Variants in STAU2 observed in about 807,000 individuals in gnomAD.
STAU2 encodes double-stranded RNA-binding protein Staufen homolog 2.
Under a neutral mutation model 65.9 loss-of-function variants are expected in STAU2, and 20 were observed. The ratio of observed to expected loss-of-function variants is 0.30; its 90% confidence interval spans 0.21 to 0.44. The LOEUF is 0.44. STAU2 is among the 20% of genes least tolerant of loss of function. The probability of loss-of-function intolerance (pLI) is 1.00; values close to 1 mark genes in which losing one functional copy is unlikely to be tolerated. For missense variants in STAU2, 558 were observed against 683.9 expected (o/e 0.82, Z 2.05); for synonymous variants, 232 against 233.9 (o/e 0.99, Z 0.07).
chr8:73,437,686 G>A (rs1817812721), intron 13 of STAU2, among the ~76,000 whole-genome samples: 1 of 152,168 alleles, frequency 6.6e-6, no homozygotes, highest in Non-Finnish European at 1.5e-5. Flanking sequence ...GTGTAAGGTT[G>A]GTGATGGGCC....
At chr8:73,699,110 A>G (rs751179306) in intron 4 of STAU2, among the ~76,000 whole-genome samples, 1 of 152,144 alleles carries the variant, frequency 6.6e-6, no homozygotes, top group Non-Finnish European at 1.5e-5. Flanking sequence ...GAAGAAATTA[A>G]GAAGGGAATT....
chr8:73,618,695 A>G (rs1405440829), intron 6 of STAU2, among the ~76,000 whole-genome samples: 2 of 152,238 alleles, frequency 1.3e-5, no homozygotes, highest in Non-Finnish European at 2.9e-5. Context: ...GTAGGGGAAC[A>G]ATGCTGGAAG....
chr8:73,532,851 T>C (rs953414260), intron 13 of STAU2, among the ~76,000 whole-genome samples: 1 of 152,102 alleles, frequency 6.6e-6, no homozygotes, highest in Non-Finnish European at 1.5e-5. Flanking sequence ...AATCAGAAAA[T>C]CTTTGAATCC....
intron 13 of STAU2, among the ~76,000 whole-genome samples, chr8:73,547,517 C>T (rs1201550153): frequency 1.3e-5 from 2 of 152,142 alleles, no homozygotes; most frequent in African/African-American, 4.8e-5. Flanking sequence ...TGAACTGGGG[C>T]TGCCCACTGG....
chr8:73,439,501 C>T (rs767464813), intron 13 of STAU2, among the ~76,000 whole-genome samples: 59 of 152,136 alleles, frequency 3.9e-4, no homozygotes, highest in Admixed American at 8.5e-4. Flanking sequence ...GCCTGTAATC[C>T]CAGCTACTCA....
chr8:73,608,331 AG>A (rs1297418604), intron 9 of STAU2, among the ~76,000 whole-genome samples: 3 of 152,132 alleles, frequency 2.0e-5, no homozygotes, highest in Admixed American at 2.0e-4. Flanking sequence ...GACAAGGCCA[AG>A]CACAGTGGCT....
intron 7 of STAU2, 114 bp from the exon 8 acceptor site, chr8:73,615,896 G>A: frequency 2.7e-6 from 2 of 729,448 alleles, no homozygotes; most frequent in East Asian, 5.4e-5. Flanking sequence ...AAACTATATA[G>A]ACTGTATCTG....
intron 13 of STAU2, among the ~76,000 whole-genome samples, chr8:73,443,615 G>A (rs569155665): frequency 6.6e-6 from 1 of 152,298 alleles, no homozygotes; most frequent in African/African-American, 2.4e-5. Context: ...GTTTTGGGAG[G>A]CCAAGACAGG....
rs1816831065 is a variant in STAU2 at position 73,426,435 on chromosome 8, C to A, written c.1531-3733G>T. On this transcript the variant is annotated intron_variant, in intron 13 of 14. Transcript: ENST00000524300. ...CTCATATCTAGCTATAATTTTGTAT[C>A]CTTTAATAAATTTCTCCCTATCCCT... Among the ~76,000 whole-genome samples the A allele has an allele frequency of 2.0e-5, 3 of 152,090 alleles. No individual in the cohort carries two copies. The South Asian group carries it at 6.2e-4, about 32-fold the overall frequency.
chr8:73,679,661 C>T (rs1232250641), intron 5 of STAU2, among the ~76,000 whole-genome samples: 5 of 137,278 alleles, frequency 3.6e-5, no homozygotes, highest in Non-Finnish European at 6.2e-5. Context: ...GTGAGTGGAT[C>T]GCTTGAGCCC....
At chr8:73,539,870 A>G (rs928656739) in intron 13 of STAU2, among the ~76,000 whole-genome samples, 5 of 151,032 alleles carry the variant, frequency 3.3e-5, no homozygotes, top group Non-Finnish European at 5.9e-5. Flanking sequence ...AAAAAATTGT[A>G]CAATCTGAAA....
chr8:73,629,325 C>T (rs1813919354), intron 6 of STAU2, among the ~76,000 whole-genome samples: 2 of 152,302 alleles, frequency 1.3e-5, no homozygotes, highest in Admixed American at 6.5e-5. Flanking sequence ...CAGGAAAATG[C>T]TGGCTCCAAC....
In STAU2 at chr8:73,551,855, T is replaced by C. The variant is rs560438520; in HGVS notation, c.1530+157A>G. 399 of 1,310,184 alleles carry C rather than the reference T, an allele frequency of 3.0e-4. 4 individuals are homozygous for C. The East Asian group carries it at 0.011, about 35-fold the overall frequency. The allele number at this position is 1,310,184 out of a possible 1,614,324, so 81.2% of individuals were successfully genotyped here. On this transcript the variant is annotated intron_variant, in intron 13 of 14. Transcript: ENST00000524300. ...TAAGAGAAAATGAGGCATGTGCATATGGCTTTTTTGTCTGTCCTTTGTGTT... is the reference window on the plus strand; with the variant it reads ...TAAGAGAAAATGAGGCATGTGCATACGGCTTTTTTGTCTGTCCTTTGTGTT...
intron 12 of STAU2, 55 bp from the exon 13 acceptor site, chr8:73,552,374 CAT>C (rs1807395156): frequency 6.8e-7 from 1 of 1,464,178 alleles, no homozygotes; most frequent in South Asian, 1.4e-5. Context: ...GAAATAGAAA[CAT>C]AGCATTATTA....
chr8:73,651,271 G>A (rs568462717), intron 6 of STAU2: 21 of 663,124 alleles, frequency 3.2e-5, no homozygotes, highest in South Asian at 2.7e-4. Flanking sequence ...AGGGCCAAAC[G>A]CCTGGCGGGC....
chr8:73,579,546 T>G (rs928178077), intron 12 of STAU2, among the ~76,000 whole-genome samples: 2 of 152,212 alleles, frequency 1.3e-5, no homozygotes, highest in Non-Finnish European at 2.9e-5. Context: ...AGCCGTGAGC[T>G]GTCAGTAGAT....
intron 9 of STAU2, among the ~76,000 whole-genome samples, chr8:73,604,076 G>A (rs972202176): frequency 3.9e-5 from 6 of 152,032 alleles, no homozygotes; most frequent in Non-Finnish European, 8.8e-5. Context: ...TGTATTAATG[G>A]CAAGGTGTCA....
intron 4 of STAU2, among the ~76,000 whole-genome samples, chr8:73,697,706 A>C (rs539030169): frequency 6.0e-4 from 91 of 152,332 alleles, no homozygotes; most frequent in East Asian, 3.9e-4. Context: ...TAAAGTGTAG[A>C]GTTTTAATTA....
chr8:73,724,522 AATT>A (rs1805484435), intron 3 of STAU2, among the ~76,000 whole-genome samples: 1 of 152,000 alleles, frequency 6.6e-6, no homozygotes, highest in Admixed American at 6.6e-5. Flanking sequence ...ACATTCAATA[AATT>A]ATAATGAGAT....
Sources: allele counts gnomAD v4.1 joint callset (sites outside exome capture counted in the v4.1 genomes callset), GRCh38; gene constraint gnomAD v4.1.1; transcripts MANE v1.5; gene names NCBI Gene and HGNC (gene_info 2026-07-23, HGNC 2026-07-21).